SIPA1L1: variants seen among roughly 807,000 people sequenced by gnomAD.
SIPA1L1 encodes the protein signal-induced proliferation-associated 1-like protein 1.
In SIPA1L1, 26 loss-of-function variants were observed where a neutral mutation model predicts 162.7. The observed-to-expected ratio is 0.16, with a 90% CI of 0.12 to 0.22. The LOEUF (loss-of-function observed/expected upper bound fraction) is 0.22, where lower values mean the gene tolerates loss of function less well. SIPA1L1 is among the 10% of genes least tolerant of loss of function. The probability of loss-of-function intolerance (pLI) is 1.00; values close to 1 mark genes in which losing one functional copy is unlikely to be tolerated. For missense variants in SIPA1L1, 1,874 were observed against 2,241.0 expected, an observed-to-expected ratio of 0.84 and a Z score of 3.31; for synonymous variants, 829 against 837.4, an observed-to-expected ratio of 0.99 and a Z score of 0.17.
intron 2 of SIPA1L1, among the ~76,000 whole-genome samples, chr14:71,428,001 T>A (rs1051484221): frequency 2.0e-5 from 3 of 152,010 alleles, no homozygotes; most frequent in Non-Finnish European, 4.4e-5. Flanking sequence ...TATTTTTTTA[T>A]TTTTATTTTT....
intron 2 of SIPA1L1, among the ~76,000 whole-genome samples, chr14:71,501,582 G>T (rs1344646931): frequency 6.6e-6 from 1 of 152,174 alleles, no homozygotes; most frequent in African/African-American, 2.4e-5. Flanking sequence ...GGTTACTGAG[G>T]ACTTATGAGG....
chr14:71,729,932 T>C, intron 19 of SIPA1L1, 123 bp from the exon 20 acceptor site: 1 of 1,076,116 alleles, frequency 9.3e-7, no homozygotes, highest in Non-Finnish European at 1.4e-6. Flanking sequence ...CAATGAGCCC[T>C]GAAGCTTCCT....
intron 12 of SIPA1L1, among the ~76,000 whole-genome samples, chr14:71,680,004 GTC>G (rs2045636941): frequency 6.6e-6 from 1 of 152,208 alleles, no homozygotes; most frequent in Non-Finnish European, 1.5e-5. Flanking sequence ...TCACCCGACT[GTC>G]AACATTAGAC....
In SIPA1L1 at chr14:71,367,537, T is replaced by C. The variant is rs1196816206; in HGVS notation, c.-465+46356T>C. On this transcript the variant is annotated intron_variant, in intron 2 of 23. Coordinates refer to ENST00000381232, the MANE Select transcript of SIPA1L1 (RefSeq NM_001386936.1). ...GTTAGCCAGGATGGTCTCGATCTCC[T>C]GACCTCGTGATCTGCCCGCCTCGGC... Among the ~76,000 whole-genome samples the C allele has an allele frequency of 2.6e-5, 4 of 151,510 alleles. No homozygotes were observed. The South Asian group carries it at 8.3e-4, about 31-fold the overall frequency.
chr14:71,622,027 C>T (rs1342215364), intron 6 of SIPA1L1, among the ~76,000 whole-genome samples: 1 of 152,124 alleles, frequency 6.6e-6, no homozygotes, highest in South Asian at 2.1e-4. Flanking sequence ...GAGATAGTTC[C>T]TTCACTTTTT....
At chr14:71,394,466 G>T (rs751717036) in intron 2 of SIPA1L1, among the ~76,000 whole-genome samples, 1 of 152,186 alleles carries the variant, frequency 6.6e-6, no homozygotes, top group Non-Finnish European at 1.5e-5. Context: ...ATGATACTCA[G>T]ATCTTGTTCA....
intron 5 of SIPA1L1, among the ~76,000 whole-genome samples, chr14:71,615,774 A>G (rs2038766013): frequency 6.6e-6 from 1 of 152,210 alleles, no homozygotes; most frequent in Non-Finnish European, 1.5e-5. Context: ...TGGGAGGCCA[A>G]GGCGGGCAGA....
intron 4 of SIPA1L1, among the ~76,000 whole-genome samples, chr14:71,544,192 C>T (rs566817228): frequency 6.6e-6 from 1 of 150,644 alleles, no homozygotes; most frequent in African/African-American, 2.4e-5. Context: ...TGTATATATA[C>T]ATATGCATGT....
intron 7 of SIPA1L1, among the ~76,000 whole-genome samples, chr14:71,637,243 G>A (rs1352989913): frequency 2.0e-5 from 3 of 151,864 alleles, no homozygotes; most frequent in African/African-American, 4.8e-5. Flanking sequence ...TTGTCAACAC[G>A]GTAGTCCCTC....
chr14:71,679,150 T>TG (rs890611863), intron 12 of SIPA1L1, among the ~76,000 whole-genome samples: 1 of 151,996 alleles, frequency 6.6e-6, no homozygotes, highest in Non-Finnish European at 1.5e-5. Flanking sequence ...TCACCAAAGT[T>TG]GAAATGAAGG....
chr14:71,336,893 A>AT (rs1431079663), intron 2 of SIPA1L1, among the ~76,000 whole-genome samples: 1 of 151,210 alleles, frequency 6.6e-6, no homozygotes, highest in East Asian at 1.9e-4. Context: ...CTTTGAATTG[A>AT]TTTTTTTAGC....
At chr14:71,546,311 A>C (rs957249696) in intron 4 of SIPA1L1, among the ~76,000 whole-genome samples, 1 of 149,326 alleles carries the variant, frequency 6.7e-6, no homozygotes, top group East Asian at 2.0e-4. Context: ...TGGCTCTTCT[A>C]CTTTTGCGAA....
At chr14:71,490,694 A>T (rs1048125345) in intron 2 of SIPA1L1, among the ~76,000 whole-genome samples, 2 of 152,216 alleles carry the variant, frequency 1.3e-5, no homozygotes, top group Admixed American at 1.3e-4. Context: ...ATACAGCAAC[A>T]TTATTTGAAA....
intron 4 of SIPA1L1, among the ~76,000 whole-genome samples, chr14:71,531,104 A>G (rs1438860110): frequency 6.6e-6 from 1 of 152,148 alleles, no homozygotes; most frequent in Non-Finnish European, 1.5e-5. Flanking sequence ...CACTCTCTGT[A>G]TCTACTTCTA....
At chr14:71,501,210 A>G (rs973142470) in intron 2 of SIPA1L1, among the ~76,000 whole-genome samples, 5 of 152,024 alleles carry the variant, frequency 3.3e-5, no homozygotes, top group Non-Finnish European at 5.9e-5. Flanking sequence ...GGTCCCAGCT[A>G]CTTGGGGGGC....
chr14:71,330,726 C>T lies in SIPA1L1; in HGVS notation c.-465+9545C>T, dbSNP rs1164550066. 3.7e-5 allele frequency: 32 copies of T among 861,778 alleles called. No homozygotes were observed. In the East Asian group the frequency reaches 4.1e-4, roughly 11 times the overall value. The allele number at this position is 861,778 out of a possible 1,614,324, so 53.4% of individuals were successfully genotyped here. A position where few individuals can be genotyped will look rare whatever the true frequency, so the allele number is the denominator to read the frequency against. ...TCTCATAGGCAGGCAGGAAAACCAC[C>T]GGGTAGTCATCATAAGGAATCTGGC... On this transcript the variant is annotated intron_variant, in intron 2 of 23. Coordinates refer to ENST00000381232, the MANE Select transcript of SIPA1L1 (RefSeq NM_001386936.1).
intron 2 of SIPA1L1, among the ~76,000 whole-genome samples, chr14:71,511,421 A>T (rs2051138164): frequency 6.6e-6 from 1 of 151,892 alleles, no homozygotes; most frequent in Non-Finnish European, 1.5e-5. Flanking sequence ...AGTAGCTGAG[A>T]CTACAGGCGT....
At chr14:71,550,275 TA>T (rs1447590864) in intron 4 of SIPA1L1, among the ~76,000 whole-genome samples, 1 of 152,028 alleles carries the variant, frequency 6.6e-6, no homozygotes, top group Non-Finnish European at 1.5e-5. Context: ...TTTTTAAGTT[TA>T]AAAAAGCCAA....
At position 71,650,158 on chromosome 14, in the gene SIPA1L1, T is replaced by C. The variant is rs2042503397; in HGVS notation, c.1819-177T>C. The C allele has an allele frequency of 5.8e-6, 4 of 690,972 alleles. No individual in the cohort carries two copies. The Admixed American group carries it at 9.0e-5, about 16-fold the overall frequency. The allele number at this position is 690,972 out of a possible 1,614,324, so 42.8% of individuals were successfully genotyped here. Reference sequence around the variant, plus strand: ...TCTGGCCTTTTCTCAGTTCATGAAGTTCGTAGATACTTGCTCCACTTAATT... The same window carrying C: ...TCTGGCCTTTTCTCAGTTCATGAAGCTCGTAGATACTTGCTCCACTTAATT... On this transcript the variant is annotated intron_variant, in intron 7 of 23. Transcript: ENST00000381232.
Sources: allele counts gnomAD v4.1 joint callset (sites outside exome capture counted in the v4.1 genomes callset), GRCh38; gene constraint gnomAD v4.1.1; transcripts MANE v1.5; gene names NCBI Gene and HGNC (gene_info 2026-07-23, HGNC 2026-07-21).